Variants in DHRS12 observed in about 807,000 individuals in gnomAD.
The protein encoded by DHRS12 is dehydrogenase/reductase SDR family member 12.
In DHRS12, 29 loss-of-function variants were observed where a neutral mutation model predicts 32.1. That is an observed-to-expected ratio of 0.90 (90% CI 0.67 to 1.23). The LOEUF (loss-of-function observed/expected upper bound fraction) is 1.23, where lower values mean the gene tolerates loss of function less well. DHRS12 is among the 50% of genes most tolerant of loss of function. DHRS12 has a pLI of 0.00. For missense variants in DHRS12, 330 were observed against 337.2 expected (o/e 0.98, Z 0.17); for synonymous variants, 150 against 135.9 (o/e 1.10, Z -0.72).
At chr13:51,758,586 G>A in the DHRS12 span, among the ~76,000 whole-genome samples, 25 of 151,450 alleles carry the variant, frequency 1.7e-4, no homozygotes, top group Non-Finnish European at 7.4e-5. Context: ...ACCATTGAAG[G>A]TGAGTGTTTT....
At chr13:51,788,761 G>A (rs939791757) in intron 4 of DHRS12, among the ~76,000 whole-genome samples, 2 of 152,202 alleles carry the variant, frequency 1.3e-5, no homozygotes, top group African/African-American at 4.8e-5. Flanking sequence ...TTGGGAGCGT[G>A]AGGTGAAAGG....
At chr13:51,792,421 G>A (rs2139316460) in intron 2 of DHRS12, among the ~76,000 whole-genome samples, 1 of 152,118 alleles carries the variant, frequency 6.6e-6, no homozygotes, top group East Asian at 1.9e-4. Flanking sequence ...GAGAAAAAGA[G>A]TGCCACTGCA....
intron 4 of DHRS12, among the ~76,000 whole-genome samples, chr13:51,780,303 T>C (rs1198432415): frequency 6.6e-6 from 1 of 152,204 alleles, no homozygotes; most frequent in African/African-American, 2.4e-5. Flanking sequence ...GGTCAACAAC[T>C]TCCTTTCCTC....
intron 4 of DHRS12, among the ~76,000 whole-genome samples, chr13:51,786,959 G>C (rs1256474197): frequency 1.3e-5 from 2 of 152,202 alleles, no homozygotes; most frequent in African/African-American, 4.8e-5. Flanking sequence ...CAGGGGTCCA[G>C]GTTTTTTGTC....
chr13:51,800,343 T>C (rs1359259089), intron 1 of DHRS12, among the ~76,000 whole-genome samples: 7 of 152,230 alleles, frequency 4.6e-5, no homozygotes, highest in East Asian at 1.9e-4. Context: ...ATAGATGCAA[T>C]TGTGAGTTCT....
At chr13:51,794,253 A>C (rs1593559191) in intron 2 of DHRS12, among the ~76,000 whole-genome samples, 1 of 152,170 alleles carries the variant, frequency 6.6e-6, no homozygotes, top group African/African-American at 2.4e-5. Context: ...CTCAACTGGG[A>C]CCCTTTCTGC....
Position 51,790,062 on chromosome 13 carries a change from T to C in DHRS12, c.250A>G (p.Arg84Gly), listed in dbSNP as rs746045912. Residue 84 changes from arginine to glycine, a missense_variant, in exon 4 of 9, where the codon AGA becomes GGA. Arg to Gly is a moderately radical substitution (Grantham distance 125). Coordinates refer to ENST00000444610, the MANE Select transcript of DHRS12 (RefSeq NM_001377533.1). ...TCAAGTCCATCTTCTGTGAGCTCTC[T>C]TTTATTGACCATGCAACCTGCATTA... is the stretch of plus-strand genomic sequence containing the variant. ...INNAGCMVNK[R>G]ELTEDGLEKN... The C allele has an allele frequency of 1.3e-5, 21 of 1,603,122 alleles. No homozygotes were observed. The highest frequency in any genetic ancestry group is 1.6e-5 in the Non-Finnish European group (19 of 1,176,630).
At chr13:51,772,578 T>C (rs1320210054) in intron 6 of DHRS12, 1 of 964,780 alleles carries the variant, frequency 1.0e-6, no homozygotes, top group East Asian at 1.1e-4. Context: ...ACCAAGGAGA[T>C]GGAGGTTGCA....
chr13:51,771,927 C>T lies in DHRS12; in HGVS notation c.469-16G>A, dbSNP rs761939908. 2.0e-5 allele frequency: 32 copies of T among 1,613,242 alleles called. No homozygotes were observed. The East Asian group carries it at 3.1e-4, about 16-fold the overall frequency. ...CTTGCTGCCTCTGGACAGGAAGGAG[C>T]GAGGGGGTGAACAGGAGAGAGGAGG... On this transcript the variant is annotated splice_polypyrimidine_tract_variant and intron_variant, in intron 6 of 8. Coordinates refer to ENST00000444610, the MANE Select transcript of DHRS12 (RefSeq NM_001377533.1).
the DHRS12 span, among the ~76,000 whole-genome samples, chr13:51,759,515 G>A: frequency 6.6e-6 from 1 of 152,186 alleles, no homozygotes; most frequent in African/African-American, 2.4e-5. Flanking sequence ...AATCTGCCAT[G>A]ATTCTTCATG....
intron 8 of DHRS12, chr13:51,768,679 G>A (rs1315095922): frequency 1.8e-6 from 2 of 1,130,468 alleles, no homozygotes; most frequent in African/African-American, 1.6e-5. Context: ...CCGAGGTCAA[G>A]TGCTGTCTTC....
chr13:51,777,009 C>T (rs1199735476), intron 5 of DHRS12, 51 bp downstream of exon 5: 2 of 1,610,522 alleles, frequency 1.2e-6, no homozygotes, highest in Admixed American at 1.7e-5. Flanking sequence ...ACTGACTTCC[C>T]ATCAGGAGCA....
chr13:51,774,400 TGTATTCTACA>T (rs1283390387), intron 5 of DHRS12: 125 of 134,204 alleles, frequency 9.3e-4, no homozygotes, highest in Middle Eastern at 4.1e-3. Context: ...TTCTCCTACA[TGTATTCTACA>T]GTATTCTCCT....
Position 51,769,270 on chromosome 13 carries a change from A to AC in DHRS12, c.582dup (p.Phe195ValfsTer64). 6.3e-7 allele frequency: 1 copy of AC among 1,582,902 alleles called. No individual in the cohort carries two copies. The highest frequency in any genetic ancestry group is 8.6e-7 in the Non-Finnish European group (1 of 1,163,504). The stretch of plus-strand genomic sequence containing the variant: ...AGGCGGTCCCCGAACCTGGCGTGGA[A>AC]CCCCGGCATCGCCTGCCTCACACCT... On this transcript the variant is annotated frameshift_variant, in exon 8 of 9. Coordinates refer to ENST00000444610, the MANE Select transcript of DHRS12 (RefSeq NM_001377533.1). LOFTEE classifies it high-confidence loss of function.
chr13:51,755,551 T>G, the DHRS12 span: 1 of 1,239,902 alleles, frequency 8.1e-7, no homozygotes, highest in Non-Finnish European at 1.2e-6. Context: ...GGGTGGGAGT[T>G]GTGGTGAGGG....
intron 4 of DHRS12, among the ~76,000 whole-genome samples, chr13:51,784,802 A>T (rs1171459224): frequency 6.6e-6 from 1 of 152,220 alleles, no homozygotes; most frequent in African/African-American, 2.4e-5. Flanking sequence ...TCATGGATGA[A>T]AACAGAGTTT....
Position 51,768,019 on chromosome 13 carries a change from G to C in DHRS12, c.*168C>G. Reference sequence around the variant, plus strand: ...TCAAGGTGAGCCTGATCACAGCCTCGGTAGTATTTATTTTGAAATAAAAGT... The same window carrying C: ...TCAAGGTGAGCCTGATCACAGCCTCCGTAGTATTTATTTTGAAATAAAAGT... On this transcript the variant is annotated 3_prime_UTR_variant, in exon 9 of 9. Transcript: ENST00000444610. 1 of 1,424,670 alleles carries C rather than the reference G, an allele frequency of 7.0e-7. No individual in the cohort carries two copies. Among genetic ancestry groups the C allele is most frequent in the Non-Finnish European group, 9.1e-7 (1 of 1,093,590 alleles). 88.3% of individuals were successfully genotyped at this position (1,424,670 alleles called of 1,614,324 possible).
rs1429773814 is a variant in DHRS12, at chr13:51,776,173, CCTACATGTACT to C, written c.363+876_363+886del. ...TCCTACATGTATTCTACAGTATTCT[CCTACATGTACT>C]CTACAGTATTCTCCTACATGTATTC... On this transcript the variant is annotated intron_variant, in intron 5 of 8. Transcript: ENST00000444610. 11 of 133,550 alleles carry C rather than the reference CCTACATGTACT, an allele frequency of 8.2e-5. 3 individuals are homozygous for C. Among genetic ancestry groups the C allele is most frequent in the African/African-American group, 3.3e-4 (11 of 32,966 alleles). The allele number at this position is 133,550 out of a possible 1,614,324, so 8.3% of individuals were successfully genotyped here.
intron 4 of DHRS12, among the ~76,000 whole-genome samples, chr13:51,789,279 T>C (rs1025023084): frequency 3.3e-5 from 5 of 152,172 alleles, no homozygotes; most frequent in African/African-American, 1.2e-4. Flanking sequence ...GGGAAGAGTG[T>C]TGGATTCACT....
Sources: gnomAD v4.1 joint callset for allele counts (sites outside exome capture counted in the v4.1 genomes callset) on GRCh38, gnomAD v4.1.1 for gene constraint, MANE v1.5 for transcripts, NCBI Gene and HGNC (gene_info 2026-07-23, HGNC 2026-07-21) for gene names.